Variants in CFAP61 observed in about 807,000 individuals in gnomAD.
CFAP61 encodes the protein cilia- and flagella-associated protein 61.
In CFAP61, 107 loss-of-function variants were observed where a neutral mutation model predicts 135.6. The observed-to-expected ratio is 0.79, with a 90% CI of 0.67 to 0.93. The LOEUF (loss-of-function observed/expected upper bound fraction) is 0.93. Among genes scored for constraint, CFAP61 ranks in the 40% least tolerant of loss-of-function variants. The pLI, the probability that CFAP61 is intolerant of heterozygous loss-of-function variation, is 0.00. For synonymous variants in CFAP61, 575 were observed against 578.5 expected (o/e 0.99, Z 0.09); for missense variants, 1,507 against 1,556.2 (o/e 0.97, Z 0.53).
rs138223129 is a variant in CFAP61, at chr20:20,215,810, T to TTA, written c.1933-12425_1933-12424dup. Among the ~76,000 whole-genome samples, 611 of 150,440 alleles carry TTA rather than the reference T, an allele frequency of 4.1e-3. 5 individuals are homozygous for TTA. Among genetic ancestry groups the TTA allele is most frequent in the African/African-American group, 0.013 (538 of 41,160 alleles). ...GAGGAAATTATTATAGAAGACCTATTTATATATATATATATCATATTCAAC... is the reference window on the plus strand; with the variant it reads ...GAGGAAATTATTATAGAAGACCTATTTATATATATATATATATCATATTCAAC... On this transcript the variant is annotated intron_variant, in intron 17 of 26. Coordinates refer to ENST00000245957, the MANE Select transcript of CFAP61 (RefSeq NM_015585.4).
At chr20:20,251,469 C>T in intron 19 of CFAP61, 126 bp from the exon 20 acceptor site, 1 of 785,710 alleles carries the variant, frequency 1.3e-6, no homozygotes, top group East Asian at 2.5e-5. Flanking sequence ...TAGTATCAGT[C>T]CTGGTAAACT....
intron 25 of CFAP61, among the ~76,000 whole-genome samples, chr20:20,298,946 G>A (rs1412939465): frequency 3.9e-5 from 6 of 152,176 alleles, no homozygotes; most frequent in Admixed American, 6.5e-5. Context: ...CTATCCATTA[G>A]GAAGGCATAG....
At chr20:20,240,090 G>C (rs2049907145) in intron 18 of CFAP61, among the ~76,000 whole-genome samples, 1 of 152,126 alleles carries the variant, frequency 6.6e-6, no homozygotes, top group African/African-American at 2.4e-5. Flanking sequence ...GGGATGAGGC[G>C]ACCAAGAGCT....
At chr20:20,102,356 C>A (rs1216156990) in intron 8 of CFAP61, among the ~76,000 whole-genome samples, 1 of 152,162 alleles carries the variant, frequency 6.6e-6, no homozygotes, top group African/African-American at 2.4e-5. Flanking sequence ...AGTATAAATA[C>A]CCCAGCTCCC....
intron 3 of CFAP61, among the ~76,000 whole-genome samples, chr20:20,071,732 A>G (rs960686054): frequency 1.3e-5 from 2 of 152,262 alleles, no homozygotes; most frequent in South Asian, 4.1e-4. Flanking sequence ...CACCCCCCGT[A>G]CATGTGTGTG....
At chr20:20,198,966 A>G (rs1041598923) in intron 16 of CFAP61, among the ~76,000 whole-genome samples, 6 of 152,238 alleles carry the variant, frequency 3.9e-5, no homozygotes, top group Non-Finnish European at 7.3e-5. Flanking sequence ...TTAAATGGTT[A>G]CGATGTCCTT....
intron 17 of CFAP61, among the ~76,000 whole-genome samples, chr20:20,212,961 G>A (rs894137979): frequency 2.0e-5 from 3 of 152,288 alleles, no homozygotes; most frequent in Admixed American, 6.5e-5. Flanking sequence ...AGGAGGCACC[G>A]TGTCCGGTGG....
chr20:20,199,969 C>G (rs766797354), intron 17 of CFAP61, 67 bp downstream of exon 17: 12 of 1,557,906 alleles, frequency 7.7e-6, no homozygotes, highest in African/African-American at 1.4e-5. Context: ...GATGGGGTGG[C>G]AGTGCTGTCT....
At chr20:20,214,928 C>T (rs948651394) in intron 17 of CFAP61, 2 of 152,276 alleles carry the variant, frequency 1.3e-5, no homozygotes, top group African/African-American at 2.4e-5. Flanking sequence ...AGGGAGCAGA[C>T]TCATAAAACT....
At chr20:20,093,419 T>C (rs1417651685) in intron 7 of CFAP61, among the ~76,000 whole-genome samples, 1 of 147,926 alleles carries the variant, frequency 6.8e-6, no homozygotes, top group South Asian at 2.2e-4. Context: ...TTAAAAACCA[T>C]TGAATTGTGT....
intron 13 of CFAP61, among the ~76,000 whole-genome samples, chr20:20,183,554 G>A (rs537315648): frequency 2.6e-5 from 4 of 152,272 alleles, no homozygotes; most frequent in African/African-American, 9.6e-5. Flanking sequence ...CCATTCAGTA[G>A]GAATACGCTG....
chr20:20,196,793 A>G lies in CFAP61; in HGVS notation c.1797+17A>G. The G allele has an allele frequency of 6.2e-7, 1 of 1,604,456 alleles. No homozygotes were observed. Among genetic ancestry groups the G allele is most frequent in the Non-Finnish European group, 8.5e-7 (1 of 1,171,212 alleles). On this transcript the variant is annotated intron_variant, in intron 16 of 26. Transcript: ENST00000245957. ...GAAGGCAAGGTAAGAGAATGGTGCA[A>G]TTCACTTTCCCAGCAGGTCAACGTT... is the stretch of plus-strand genomic sequence containing the variant.
intron 17 of CFAP61, among the ~76,000 whole-genome samples, chr20:20,216,198 TAC>T (rs1259970230): frequency 1.3e-5 from 2 of 152,212 alleles, no homozygotes; most frequent in African/African-American, 2.4e-5. Flanking sequence ...AGCTGAATGC[TAC>T]ACAGTTATGG....
intron 6 of CFAP61, among the ~76,000 whole-genome samples, chr20:20,076,297 T>C (rs2046045550): frequency 6.6e-6 from 1 of 152,302 alleles, no homozygotes; most frequent in South Asian, 2.1e-4. Context: ...ATGCTTGCTC[T>C]GGAGGAAGCC....
At chr20:20,210,541 G>T (rs987477500) in intron 17 of CFAP61, among the ~76,000 whole-genome samples, 3 of 152,194 alleles carry the variant, frequency 2.0e-5, no homozygotes, top group Non-Finnish European at 2.9e-5. Context: ...GAGGGGTCAT[G>T]AGTCAGCAGG....
intron 21 of CFAP61, among the ~76,000 whole-genome samples, chr20:20,273,513 C>T (rs1022752344): frequency 2.0e-5 from 3 of 152,080 alleles, no homozygotes; most frequent in Non-Finnish European, 4.4e-5. Flanking sequence ...TCATTTTGTG[C>T]TAAATATTTA....
chr20:20,240,329 C>T (rs1466277592), intron 18 of CFAP61, among the ~76,000 whole-genome samples: 1 of 152,114 alleles, frequency 6.6e-6, no homozygotes, highest in African/African-American at 2.4e-5. Flanking sequence ...GCTGGTAAAA[C>T]AGTCATGAAA....
intron 8 of CFAP61, among the ~76,000 whole-genome samples, chr20:20,102,752 A>G (rs6081875): frequency 0.91 from 138,208 of 151,922 alleles, 63,044 homozygotes; most frequent in East Asian, 1. Flanking sequence ...TCCTACTGGT[A>G]CATCCTGGAA....
intron 22 of CFAP61, among the ~76,000 whole-genome samples, chr20:20,278,075 G>A (rs1264899068): frequency 1.3e-5 from 2 of 152,188 alleles, no homozygotes; most frequent in South Asian, 2.1e-4. Context: ...AACCCTGCCT[G>A]TTCATGGAGG....
Sources: allele counts gnomAD v4.1 joint callset (sites outside exome capture counted in the v4.1 genomes callset), GRCh38; gene constraint gnomAD v4.1.1; transcripts MANE v1.5; gene names NCBI Gene and HGNC (gene_info 2026-07-23, HGNC 2026-07-21).